BACH1: variants seen among roughly 807,000 people sequenced by gnomAD.
BACH1 encodes the protein transcription regulator protein BACH1.
Under a neutral mutation model 52.9 loss-of-function variants are expected in BACH1, and 35 were observed. The observed-to-expected ratio is 0.66, with a 90% CI of 0.51 to 0.88. The LOEUF is 0.88. Among genes scored for constraint, BACH1 ranks in the 40% least tolerant of loss-of-function variants. The pLI, the probability that BACH1 is intolerant of heterozygous loss-of-function variation, is 0.00. For missense variants in BACH1, 808 were observed against 872.6 expected (o/e 0.93, Z 0.93); for synonymous variants, 321 against 319.6 (o/e 1.00, Z -0.05).
intron 4 of BACH1, among the ~76,000 whole-genome samples, chr21:29,338,067 TAAAC>T (rs1031837306): frequency 1.3e-5 from 2 of 152,090 alleles, no homozygotes; most frequent in Non-Finnish European, 1.5e-5. Flanking sequence ...ATAATATAAA[TAAAC>T]AATAAAATAA....
intron 2 of BACH1, chr21:29,352,518 C>T (rs1270648872): frequency 6.6e-6 from 1 of 152,110 alleles, no homozygotes; most frequent in Non-Finnish European, 1.5e-5. Flanking sequence ...ACTCACACCT[C>T]GTGAAAATTC....
intron 2 of BACH1, 75 bp from the exon 3 acceptor site, chr21:29,325,984 T>A: frequency 7.2e-7 from 1 of 1,391,700 alleles, no homozygotes; most frequent in South Asian, 1.5e-5. Flanking sequence ...TCTCTATTCC[T>A]CTTCTACTTA....
intron 4 of BACH1, 53 bp downstream of exon 4, chr21:29,329,746 T>G: frequency 7.6e-7 from 1 of 1,312,646 alleles, no homozygotes; most frequent in Non-Finnish European, 1.0e-6. Flanking sequence ...TTCTTTTTTG[T>G]CAAGGAAATA....
intron 2 of BACH1, among the ~76,000 whole-genome samples, chr21:29,325,774 TGTG>T (rs755022278): frequency 7.9e-5 from 12 of 152,122 alleles, no homozygotes; most frequent in Non-Finnish European, 1.5e-4. Context: ...ATGGGAAAAT[TGTG>T]GTAATGTCTT....
At chr21:29,318,991 CT>C (rs2123430926) in intron 1 of BACH1, among the ~76,000 whole-genome samples, 1 of 152,270 alleles carries the variant, frequency 6.6e-6, no homozygotes, top group Admixed American at 6.5e-5. Context: ...AAAAAAATGT[CT>C]GGTGGCAATT....
Position 29,326,414 on chromosome 21 carries a change from C to G in BACH1, c.590C>G (p.Pro197Arg), listed in dbSNP as rs2088911753. The change falls in exon 3 of 5, where the codon CCT becomes CGT. Residue 197 changes from proline to arginine, a missense_variant. Coordinates refer to ENST00000286800, the MANE Select transcript of BACH1 (RefSeq NM_001186.4). ...TATCAAGGAAATGCAAAAGCCTCAC[C>G]TCCTCTACAAGACAGTGCCAGTCAG... is the stretch of plus-strand genomic sequence containing the variant. ...RRYQGNAKAS[P>R]PLQDSASQTY... The G allele has an allele frequency of 1.2e-6, 2 of 1,614,122 alleles. No homozygotes were observed. Among genetic ancestry groups the G allele is most frequent in the Non-Finnish European group, 1.7e-6 (2 of 1,180,002 alleles).
chr21:29,309,885 CAGAT>C (rs1569008084), intron 1 of BACH1, among the ~76,000 whole-genome samples: 1 of 152,162 alleles, frequency 6.6e-6, no homozygotes, highest in African/African-American at 2.4e-5. Flanking sequence ...CTTCGTGAGA[CAGAT>C]AGGGTGGGAG....
chr21:29,319,549 A>G (rs1426709088), intron 1 of BACH1, among the ~76,000 whole-genome samples: 1 of 151,876 alleles, frequency 6.6e-6, no homozygotes. Context: ...ACTGGTGAAC[A>G]GTACCAAGAG....
chr21:29,307,245 C>T lies in BACH1; in HGVS notation c.-61+8292C>T, dbSNP rs117157209. On this transcript the variant is annotated intron_variant, in intron 1 of 4. Transcript: ENST00000286800. ...CCCCTCCTCGAAGGGAAAGCTGTCC[C>T]GTAGTTAGCTTATTCGTCATTCTTT... Among the ~76,000 whole-genome samples, 751 of 152,298 alleles carry T rather than the reference C, an allele frequency of 4.9e-3. 2 individuals are homozygous for T. Among genetic ancestry groups the T allele is most frequent in the Middle Eastern group, 0.01 (3 of 294 alleles).
At chr21:29,355,533 T>C (rs1220353493) in intron 2 of BACH1, among the ~76,000 whole-genome samples, 2 of 152,214 alleles carry the variant, frequency 1.3e-5, no homozygotes. Context: ...AGCTACTTCC[T>C]GCTGGATAGA....
intron 2 of BACH1, chr21:29,361,735 T>C (rs1375746024): frequency 6.6e-6 from 1 of 152,220 alleles, no homozygotes; most frequent in Non-Finnish European, 1.5e-5. Flanking sequence ...TATAACCCAG[T>C]GTATTTCATA....
intron 4 of BACH1, 87 bp downstream of exon 4, chr21:29,329,780 A>G (rs2088959762): frequency 2.1e-6 from 2 of 969,994 alleles, no homozygotes; most frequent in Non-Finnish European, 1.4e-6. Context: ...TAGGTCAGAT[A>G]TAATGCTCAA....
chr21:29,305,843 TTTAAC>T (rs1601337044), intron 1 of BACH1, among the ~76,000 whole-genome samples: 1 of 152,230 alleles, frequency 6.6e-6, no homozygotes, highest in East Asian at 1.9e-4. Flanking sequence ...TTGGTTTACA[TTTAAC>T]TTATGAAACA....
rs913658929 is a variant in BACH1 at position 29,351,868 on chromosome 21, G to C, written c.472+22175G>C. 85 of 426,610 alleles carry C rather than the reference G, an allele frequency of 2.0e-4. No individual in the cohort carries two copies. The Admixed American group carries it at 2.2e-3, about 11-fold the overall frequency. 26.4% of individuals were successfully genotyped at this position (426,610 alleles called of 1,614,324 possible). On this transcript the variant is annotated intron_variant, in intron 2 of 4. Coordinates refer to the BACH1 transcript ENST00000422809. ...AATGGCCTGAACTTGTGTTTACTAG[G>C]GCCTGGGAGAGCAGACAGCTGCCAG...
At chr21:29,335,790 G>C (rs2089037885) in intron 4 of BACH1, among the ~76,000 whole-genome samples, 1 of 152,110 alleles carries the variant, frequency 6.6e-6, no homozygotes, top group Admixed American at 6.5e-5. Flanking sequence ...AACCCCACTT[G>C]GTTGATCTTG....
chr21:29,348,244 C>T (rs1174688691), downstream of BACH1, among the ~76,000 whole-genome samples: 4 of 152,244 alleles, frequency 2.6e-5, no homozygotes, highest in Middle Eastern at 3.4e-3. Flanking sequence ...TTGTTCCTAC[C>T]GTGCTCCAGA....
rs773597979 is a variant in BACH1 at position 29,321,309 on chromosome 21, C to T, written c.29C>T (p.Ala10Val). 5 of 1,613,832 alleles carry T rather than the reference C, an allele frequency of 3.1e-6. No individual in the cohort carries two copies. The highest frequency in any genetic ancestry group is 4.2e-6 in the Non-Finnish European group (5 of 1,179,936). The change falls in exon 2 of 5, where the codon GCC (alanine) becomes GTC (valine). Residue 10 changes from alanine to valine, a missense_variant. By Grantham distance (64) the Ala-to-Val change is moderately conservative. Coordinates refer to ENST00000286800, the MANE Select transcript of BACH1 (RefSeq NM_001186.4). The stretch of plus-strand genomic sequence containing the variant: ...TCTCTGAGTGAGAACTCGGTTTTTG[C>T]CTATGAATCTTCTGTGCATAGCACC... MSLSENSVF[A>V]YESSVHSTNV...
At chr21:29,318,425 A>G (rs1412221317) in intron 1 of BACH1, among the ~76,000 whole-genome samples, 1 of 152,184 alleles carries the variant, frequency 6.6e-6, no homozygotes, top group Non-Finnish European at 1.5e-5. Context: ...GCTGTGCTCA[A>G]TCCACTTGAA....
chr21:29,331,963 T>C (rs897195502), intron 4 of BACH1, among the ~76,000 whole-genome samples: 2 of 152,194 alleles, frequency 1.3e-5, no homozygotes, highest in African/African-American at 4.8e-5. Flanking sequence ...TGCAGTGGCA[T>C]GATCTCGGCT....
Sources: allele counts gnomAD v4.1 joint callset (sites outside exome capture counted in the v4.1 genomes callset), GRCh38; gene constraint gnomAD v4.1.1; transcripts MANE v1.5; gene names NCBI Gene and HGNC (gene_info 2026-07-23, HGNC 2026-07-21).